Variants in MYO3A observed in about 807,000 individuals in gnomAD.
The protein encoded by MYO3A is myosin IIIA.
In MYO3A, 180 loss-of-function variants were observed where a neutral mutation model predicts 192.7. That is an observed-to-expected ratio of 0.93 (90% confidence interval 0.83 to 1.06). MYO3A has a LOEUF of 1.06. MYO3A is among the 50% of genes least tolerant of loss of function. The pLI is 0.00. For synonymous variants in MYO3A, 628 were observed against 645.3 expected (o/e 0.97, Z 0.41); for missense variants, 1,896 against 1,905.0 (o/e 1.00, Z 0.09).
intron 20 of MYO3A, among the ~76,000 whole-genome samples, chr10:26,141,724 A>G (rs1840178151): frequency 6.6e-6 from 1 of 152,200 alleles, no homozygotes; most frequent in South Asian, 2.1e-4. Context: ...TTCAAATACA[A>G]AAGCTGTGAA....
intron 10 of MYO3A, among the ~76,000 whole-genome samples, chr10:26,054,521 C>T (rs947675391): frequency 6.6e-6 from 1 of 152,200 alleles, no homozygotes; most frequent in African/African-American, 2.4e-5. Flanking sequence ...TAACGACCCT[C>T]TGAGACACCT....
intron 10 of MYO3A, among the ~76,000 whole-genome samples, chr10:26,053,897 G>A (rs540517126): frequency 2.6e-5 from 4 of 152,244 alleles, no homozygotes; most frequent in African/African-American, 9.6e-5. Flanking sequence ...GTTGGAGGGT[G>A]GGATTACGAT....
intron 6 of MYO3A, among the ~76,000 whole-genome samples, chr10:26,008,180 A>G (rs906104411): frequency 2.7e-5 from 4 of 148,110 alleles, no homozygotes; most frequent in African/African-American, 1.0e-4. Flanking sequence ...GGCTAGTCAT[A>G]TGTAGAAAGC....
intron 31 of MYO3A, among the ~76,000 whole-genome samples, chr10:26,190,371 T>G (rs999769487): frequency 2.6e-5 from 4 of 152,236 alleles, no homozygotes; most frequent in Admixed American, 2.0e-4. Flanking sequence ...GGTTGTAGTG[T>G]ACAGAATGTT....
At position 25,964,327 on chromosome 10, in the gene MYO3A, T is replaced by C. The variant is rs185320330; in HGVS notation, c.303+9319T>C. Among the ~76,000 whole-genome samples, 607 of 152,204 alleles carry C rather than the reference T, an allele frequency of 4.0e-3. 1 individual carries two copies. The highest frequency in any genetic ancestry group is 7.4e-3 in the Non-Finnish European group (500 of 67,996). ...CACTACAAAAGCACACATTAGAAAA[T>C]GTCTATTAGGTGGTAGTCCCAGTTT... On this transcript the variant is annotated intron_variant, in intron 4 of 34. Transcript: ENST00000642920.
intron 6 of MYO3A, among the ~76,000 whole-genome samples, chr10:26,002,740 T>A (rs145140761): frequency 1.5e-3 from 228 of 152,060 alleles, no homozygotes; most frequent in African/African-American, 5.4e-3. Context: ...TATGAGGAAG[T>A]TAAGTTTAAA....
At chr10:26,140,988 C>T (rs985991242) in intron 20 of MYO3A, among the ~76,000 whole-genome samples, 3 of 152,056 alleles carry the variant, frequency 2.0e-5, no homozygotes, top group African/African-American at 4.8e-5. Context: ...AGTGCAGTGG[C>T]GCAATCTCGG....
intron 31 of MYO3A, among the ~76,000 whole-genome samples, chr10:26,183,204 A>T (rs1172092116): frequency 1.3e-5 from 2 of 152,108 alleles, no homozygotes; most frequent in African/African-American, 4.8e-5. Context: ...CAGGAACCTT[A>T]CCTGAACCTA....
intron 4 of MYO3A, among the ~76,000 whole-genome samples, chr10:25,972,169 CT>C (rs1182800292): frequency 1.3e-5 from 2 of 152,090 alleles, no homozygotes; most frequent in Admixed American, 6.6e-5. Context: ...ATTCCTTCTT[CT>C]TTTTTTCATA....
At chr10:26,147,398 A>G (rs774308312) in intron 22 of MYO3A, 32 bp from the exon 23 acceptor site, 3 of 1,592,654 alleles carry the variant, frequency 1.9e-6, no homozygotes, top group Non-Finnish European at 2.6e-6. Context: ...AATGACATTG[A>G]TTGTGATAAT....
chr10:26,003,680 AC>A (rs1400448199), intron 6 of MYO3A, among the ~76,000 whole-genome samples: 1 of 151,860 alleles, frequency 6.6e-6, no homozygotes, highest in Non-Finnish European at 1.5e-5. Flanking sequence ...CTGAAAAAAA[AC>A]AATCTTTATC....
At chr10:26,197,969 C>T (rs766644590) in intron 32 of MYO3A, among the ~76,000 whole-genome samples, 3 of 152,226 alleles carry the variant, frequency 2.0e-5, no homozygotes, top group Non-Finnish European at 4.4e-5. Context: ...CTCGCTGTTA[C>T]AGCCATACTC....
chr10:26,165,717 C>T, intron 26 of MYO3A: 1 of 317,126 alleles, frequency 3.2e-6, no homozygotes. Flanking sequence ...CTTCCTGCCA[C>T]TGCAGTCCTG....
intron 32 of MYO3A, among the ~76,000 whole-genome samples, chr10:26,198,849 A>G (rs1007014725): frequency 2.0e-5 from 3 of 152,216 alleles, no homozygotes; most frequent in African/African-American, 7.2e-5. Flanking sequence ...CTGGTTCTAC[A>G]GGAAATTGCC....
chr10:26,162,013 C>T (rs2131966827), intron 26 of MYO3A, among the ~76,000 whole-genome samples: 1 of 152,228 alleles, frequency 6.6e-6, no homozygotes, highest in South Asian at 2.1e-4. Context: ...TGGATGAGCC[C>T]CTGACATTAA....
intron 31 of MYO3A, among the ~76,000 whole-genome samples, chr10:26,184,533 G>A (rs550747065): frequency 6.6e-6 from 1 of 152,256 alleles, no homozygotes; most frequent in Admixed American, 6.5e-5. Context: ...TCATTAAAAT[G>A]AGACTAATAC....
intron 31 of MYO3A, among the ~76,000 whole-genome samples, chr10:26,178,964 G>A (rs539574587): frequency 6.6e-6 from 1 of 151,786 alleles, no homozygotes; most frequent in South Asian, 2.1e-4. Flanking sequence ...ACCACGCCGG[G>A]CTAATTTTTT....
chr10:25,951,045 A>C (rs1428965955), intron 2 of MYO3A, among the ~76,000 whole-genome samples: 1 of 152,164 alleles, frequency 6.6e-6, no homozygotes, highest in East Asian at 1.9e-4. Flanking sequence ...TTATAAAGTC[A>C]CTTGATCTCA....
intron 4 of MYO3A, among the ~76,000 whole-genome samples, chr10:25,970,268 A>G (rs1838543208): frequency 1.3e-5 from 2 of 152,014 alleles, no homozygotes; most frequent in Admixed American, 6.5e-5. Context: ...AATGGAATTA[A>G]ATTAAAATCT....
Sources: gnomAD v4.1 joint callset for allele counts (sites outside exome capture counted in the v4.1 genomes callset) on GRCh38, gnomAD v4.1.1 for gene constraint, MANE v1.5 for transcripts, NCBI Gene and HGNC (gene_info 2026-07-23, HGNC 2026-07-21) for gene names.